Variants in SNX19 observed in about 807,000 individuals in gnomAD.
SNX19 encodes the protein sorting nexin-19.
Under a neutral mutation model 85.2 loss-of-function variants are expected in SNX19, and 60 were observed. The observed-to-expected ratio is 0.70, with a 90% CI of 0.57 to 0.87. SNX19 has a LOEUF of 0.87. Among genes scored for constraint, SNX19 ranks in the 40% least tolerant of loss-of-function variants. The pLI, the probability that SNX19 is intolerant of heterozygous loss-of-function variation, is 0.00. For missense variants in SNX19, 1,201 were observed against 1,217.8 expected, an observed-to-expected ratio of 0.99 and a Z score of 0.21; for synonymous variants, 520 against 470.0, an observed-to-expected ratio of 1.11 and a Z score of -1.38.
chr11:130,901,302 C>T (rs1350490837), intron 8 of SNX19, among the ~76,000 whole-genome samples: 1 of 152,144 alleles, frequency 6.6e-6, no homozygotes, highest in Non-Finnish European at 1.5e-5. Flanking sequence ...TATATAAACA[C>T]ACTGTGACAA....
chr11:130,872,875 C>T lies in SNX19; in HGVS notation c.*5547G>A, dbSNP rs781403656. Among the ~76,000 whole-genome samples, 1 of 152,166 alleles carries T rather than the reference C, an allele frequency of 6.6e-6. No individual in the cohort carries two copies. Among genetic ancestry groups the T allele is most frequent in the Non-Finnish European group, 1.5e-5 (1 of 68,024 alleles). On this transcript the variant is annotated 3_prime_UTR_variant, in exon 11 of 11. Coordinates refer to ENST00000265909, the MANE Select transcript of SNX19 (RefSeq NM_014758.3). ...CCTCATCCTGGGAAAACACATCTTG[C>T]TCCAGTGCAAAGTTAGATTGGACAA...
chr11:130,893,470 G>T (rs1944645674), intron 8 of SNX19, among the ~76,000 whole-genome samples: 1 of 152,032 alleles, frequency 6.6e-6, no homozygotes, highest in Admixed American at 6.6e-5. Context: ...GGGTGTAGAG[G>T]AGAAGGAAAA....
intron 8 of SNX19, chr11:130,893,793 C>T: frequency 1.4e-6 from 1 of 702,338 alleles, no homozygotes; most frequent in Non-Finnish European, 2.6e-6. Context: ...ACCAGCCTCC[C>T]TCCCAGGAAG....
At position 130,914,599 on chromosome 11, in the gene SNX19, G is replaced by C. The variant is rs895912252; in HGVS notation, c.1341C>G (p.Ile447Met). 6.2e-7 allele frequency: 1 copy of C among 1,613,876 alleles called. No individual in the cohort carries two copies. The highest frequency in any genetic ancestry group is 8.5e-7 in the Non-Finnish European group (1 of 1,179,876). Residue 447 changes from isoleucine to methionine, a missense_variant, in exon 1 of 11, where the codon ATC becomes ATG. Transcript: ENST00000265909. ...TCTCCTTGTCTGCTGTGTCAATATG[G>C]ATCTCTGGGCAGGAATTCAGTGTGG... ...PVSTLNSCPEIHIDTADKEIE... is the reference protein window; with the variant it reads ...PVSTLNSCPEMHIDTADKEIE...
intron 1 of SNX19, among the ~76,000 whole-genome samples, chr11:130,912,805 C>T (rs1946239885): frequency 6.6e-6 from 1 of 152,112 alleles, no homozygotes; most frequent in Admixed American, 6.5e-5. Flanking sequence ...AACTATGAGG[C>T]TTTCTGTGGA....
chr11:130,888,191 C>T (rs1944224582), intron 8 of SNX19, among the ~76,000 whole-genome samples: 1 of 151,386 alleles, frequency 6.6e-6, no homozygotes, highest in South Asian at 2.1e-4. Flanking sequence ...TATAGTTCAT[C>T]TTGTTGGCTT....
rs1024990313 is a variant in SNX19 at position 130,873,995 on chromosome 11, G to C, written c.*4427C>G. Among the ~76,000 whole-genome samples the C allele has an allele frequency of 1.3e-5, 2 of 151,748 alleles. No homozygotes were observed. The highest frequency in any genetic ancestry group is 2.9e-5 in the Non-Finnish European group (2 of 67,966). On this transcript the variant is annotated 3_prime_UTR_variant, in exon 11 of 11. Transcript: ENST00000265909. ...TCAGTGGATTGGCATGAGGTGGGTGGTTCTAGCCAATGAGTCATAAGAGGT... is the reference window on the plus strand; with the variant it reads ...TCAGTGGATTGGCATGAGGTGGGTGCTTCTAGCCAATGAGTCATAAGAGGT...
At chr11:130,888,532 T>A (rs562408200) in intron 8 of SNX19, among the ~76,000 whole-genome samples, 3 of 152,342 alleles carry the variant, frequency 2.0e-5, no homozygotes, top group Middle Eastern at 3.4e-3. Flanking sequence ...TACAACTGCA[T>A]GCTAATCAGG....
Position 130,914,423 on chromosome 11 carries a change from G to A in SNX19, c.1517C>T (p.Ser506Phe). The change falls in exon 1 of 11, where the codon TCT (serine) becomes TTT (phenylalanine). Residue 506 changes from serine (S) to phenylalanine (F), a missense_variant. Physicochemically the swap from Ser to Phe is radical, Grantham distance 155. This residue lies in a region of SNX19 where 791 missense variants were observed against 750.9 expected (regional missense o/e 1.05). Transcript: ENST00000265909. ...GGCTGAGCTGAGAGGACCAGGTGGA[G>A]AGGAGGAAAGCAGAACTGGTGGCAG... ...PTLPPVLLSSSPPGPLSSATF... is the reference protein window; with the variant it reads ...PTLPPVLLSSFPPGPLSSATF... 1.2e-6 allele frequency: 2 copies of A among 1,613,970 alleles called. No individual in the cohort carries two copies. The highest frequency in any genetic ancestry group is 2.2e-5 in the South Asian group (2 of 91,072).
intron 8 of SNX19, among the ~76,000 whole-genome samples, chr11:130,885,843 A>G (rs542588315): frequency 6.6e-6 from 1 of 152,366 alleles, no homozygotes; most frequent in South Asian, 2.1e-4. Flanking sequence ...TATCATCCTA[A>G]GTACACCTTC....
rs769122992 is a variant in SNX19, at chr11:130,909,968, C to A, written c.2034+50G>T. Reference sequence around the variant, plus strand: ...GACTGCCTCCATTCTGATGAATCCTCCCCATTTATAGATCAAAACTAAAGC... The same window carrying A: ...GACTGCCTCCATTCTGATGAATCCTACCCATTTATAGATCAAAACTAAAGC... On this transcript the variant is annotated intron_variant, in intron 4 of 10. Transcript: ENST00000265909. 4 of 1,608,024 alleles carry A rather than the reference C, an allele frequency of 2.5e-6. No individual in the cohort carries two copies. In the East Asian group the frequency reaches 8.9e-5, roughly 36 times the overall value.
At position 130,915,822 on chromosome 11, in the gene SNX19, G is replaced by A. The variant is rs1946542782; in HGVS notation, c.118C>T (p.Leu40=). The A allele has an allele frequency of 2.5e-6, 4 of 1,614,114 alleles. No homozygotes were observed. Among genetic ancestry groups the A allele is most frequent in the Non-Finnish European group, 2.5e-6 (3 of 1,180,058 alleles). The change falls in exon 1 of 11, where the codon CTG becomes TTG. Residue 40 remains leucine, a synonymous_variant. Transcript: ENST00000265909. Reference sequence around the variant, plus strand: ...ACGTTGACCAGAAGGTGTATGACCAGGAGCCAGCCAAGCAAGACCCCCACA... The same window carrying A: ...ACGTTGACCAGAAGGTGTATGACCAAGAGCCAGCCAAGCAAGACCCCCACA... ...MAVGVLLGWL[L]VIHLLVNVWL...
chr11:130,914,500 C>T lies in SNX19; in HGVS notation c.1440G>A (p.Pro480=), dbSNP rs149985637. Residue 480 remains proline (P), a synonymous_variant, in exon 1 of 11, where the codon CCG becomes CCA. Transcript: ENST00000265909. ...EGPEKTCPSR[P]SCLEKDLTND... is the part of the protein sequence containing the mutation. ...TGGTGAGATCCTTCTCTAAGCATGA[C>T]GGCCGTGAGGGGCAGGTCTTTTCTG... 36 of 1,613,868 alleles carry T rather than the reference C, an allele frequency of 2.2e-5. No homozygotes were observed. The highest frequency in any genetic ancestry group is 3.3e-4 in the Middle Eastern group (2 of 6,056).
chr11:130,885,748 C>A (rs1944013440), intron 8 of SNX19, among the ~76,000 whole-genome samples: 1 of 149,858 alleles, frequency 6.7e-6, no homozygotes, highest in Admixed American at 6.7e-5. Context: ...TATAGACAAT[C>A]CAAGGGCAAT....
chr11:130,915,717 C>A lies in SNX19; in HGVS notation c.223G>T (p.Gly75Cys). Residue 75 changes from glycine (G) to cysteine (C), a missense_variant, in exon 1 of 11, where the codon GGT becomes TGT. By Grantham distance (159) the Gly-to-Cys change is radical (BLOSUM62 -3). Around this residue, in one of 3 missense-constraint regions of SNX19, gnomAD observed 791 missense variants for 750.9 expected, o/e 1.05. Coordinates refer to ENST00000265909, the MANE Select transcript of SNX19 (RefSeq NM_014758.3). ...LGSSLAGVAS[G>C]RLHLERFIPL... ...ATGAAGCGTTCCAGATGCAGTCGAC[C>A]TGAAGCCACTCCAGCGAGGCTGGAG... 1.2e-6 allele frequency: 2 copies of A among 1,614,256 alleles called. No homozygotes were observed. Among genetic ancestry groups the A allele is most frequent in the Non-Finnish European group, 1.7e-6 (2 of 1,180,054 alleles).
At chr11:130,889,225 G>C (rs531835058) in intron 8 of SNX19, among the ~76,000 whole-genome samples, 4 of 152,064 alleles carry the variant, frequency 2.6e-5, no homozygotes, top group African/African-American at 4.8e-5. Flanking sequence ...TTCAGTATGT[G>C]TCCCCTCTTT....
In SNX19 at chr11:130,915,364, G is replaced by GT. The variant is rs776754894; in HGVS notation, c.575dup (p.Tyr192Ter). 3 of 1,614,178 alleles carry GT rather than the reference G, an allele frequency of 1.9e-6. No homozygotes were observed. Among genetic ancestry groups the GT allele is most frequent in the Non-Finnish European group, 2.5e-6 (3 of 1,180,042 alleles). Reference sequence around the variant, plus strand: ...CAGGATGTGGGGCAGTCGCCCGGCAGTAAGCCTCCCAGAGGTGGGAAGGCT... The same window carrying GT: ...CAGGATGTGGGGCAGTCGCCCGGCAGTTAAGCCTCCCAGAGGTGGGAAGGCT... ...PVEPSHLWEAYCRATAPHPAV... is the reference protein window; with the variant it reads ...PVEPSHLWEA The change falls in exon 1 of 11, where the codon TAC (tyrosine) becomes TAAC (stop). Residue 192 changes from tyrosine to a stop codon, truncating the protein, a stop_gained and frameshift_variant. Transcript: ENST00000265909. LOFTEE classifies it high-confidence loss of function.
intron 8 of SNX19, chr11:130,893,684 C>T: frequency 1.5e-6 from 1 of 652,708 alleles, no homozygotes; most frequent in South Asian, 1.7e-5. Flanking sequence ...GTAGAAAACA[C>T]AGAGGAGTAA....
At chr11:130,909,281 T>A (rs892215442) in intron 4 of SNX19, among the ~76,000 whole-genome samples, 1 of 152,218 alleles carries the variant, frequency 6.6e-6, no homozygotes, top group African/African-American at 2.4e-5. Context: ...GTTTTTTCCA[T>A]AGCAGTGGAT....
Sources: gnomAD v4.1 joint callset for allele counts (sites outside exome capture counted in the v4.1 genomes callset) on GRCh38, gnomAD v4.1.1 for gene constraint, gnomAD v4.1.1 regional missense constraint, MANE v1.5 for transcripts, NCBI Gene and HGNC (gene_info 2026-07-23, HGNC 2026-07-21) for gene names.